TET3: variants seen among roughly 807,000 people sequenced by gnomAD.
The protein encoded by TET3 is tet methylcytosine dioxygenase 3, also known as methylcytosine dioxygenase TET3.
In TET3, 19 loss-of-function variants were observed where a neutral mutation model predicts 141.4. The ratio of observed to expected loss-of-function variants is 0.13; its 90% CI spans 0.09 to 0.20. The LOEUF is 0.20. TET3 is among the 10% of genes least tolerant of loss of function. The pLI is 1.00. For synonymous variants in TET3, 1,043 were observed against 980.9 expected (o/e 1.06, Z -1.18); for missense variants, 1,874 against 2,356.9 (o/e 0.80, Z 4.24).
intron 4 of TET3, 131 bp from the exon 5 acceptor site, chr2:74,073,418 A>G: frequency 1.7e-6 from 1 of 575,282 alleles, no homozygotes; most frequent in Non-Finnish European, 3.0e-6. Flanking sequence ...ACACCTTTTC[A>G]CATGTTCATA....
At chr2:74,124,049 G>A in the TET3 span, among the ~76,000 whole-genome samples, 1 of 151,788 alleles carries the variant, frequency 6.6e-6, no homozygotes, top group Non-Finnish European at 1.5e-5. Context: ...GAAGTGAGGA[G>A]CCCCTCCGCC....
chr2:74,101,353 C>T lies in TET3; in HGVS notation c.4565C>T (p.Thr1522Ile), dbSNP rs1331123771. Residue 1522 changes from threonine to isoleucine, a missense_variant, in exon 12 of 12, where the codon ACC (threonine) becomes ATC (isoleucine). Thr to Ile is a moderately conservative substitution (Grantham distance 89). This residue lies in a region of TET3 where 602 missense variants were observed against 590.2 expected (regional missense o/e 1.02). Transcript: ENST00000409262. This position sits in a 1 kb window ranked among gnomAD's most constrained non-coding sequence, Gnocchi z 8.5. ...PWSPCKFGNS[T>I]SALAGPSLTE... ...AGCCCCTGCAAGTTTGGGAACAGCA[C>T]CTCGGCCTTGGCTGGGCCCAGCCTG... 3 of 1,613,784 alleles carry T rather than the reference C, an allele frequency of 1.9e-6. No individual in the cohort carries two copies. Among genetic ancestry groups the T allele is most frequent in the Non-Finnish European group, 2.5e-6 (3 of 1,179,878 alleles).
intron 5 of TET3, 123 bp downstream of exon 5, chr2:74,073,762 G>A (rs758104872): frequency 4.6e-5 from 35 of 762,322 alleles, no homozygotes; most frequent in East Asian, 6.0e-5. Flanking sequence ...CCCTGATAAC[G>A]GGCTTAGGGA....
the TET3 span, among the ~76,000 whole-genome samples, chr2:74,129,931 T>TA: frequency 1.3e-5 from 2 of 151,148 alleles, no homozygotes; most frequent in African/African-American, 2.4e-5. Context: ...CCATCTCTAC[T>TA]AAAAAACACA....
At chr2:74,068,112 T>G (rs1159758138) in intron 4 of TET3, among the ~76,000 whole-genome samples, 4 of 151,970 alleles carry the variant, frequency 2.6e-5, no homozygotes, top group African/African-American at 9.7e-5. Flanking sequence ...GTAGACGCCG[T>G]CAGTGGCAAG....
Position 74,089,898 on chromosome 2 carries a change from C to T in TET3, c.2890C>T (p.Arg964Trp). 1 of 1,613,998 alleles carries T rather than the reference C, an allele frequency of 6.2e-7. No homozygotes were observed. ...TSRRCGLNDD[R>W]TCACQGKDPN... ...CCTGACCTGTGCTGTGTGTTGCAGC[C>T]GGACCTGCGCTTGCCAAGGCAAAGA... The change falls in exon 8 of 12, where the codon CGG becomes TGG. Residue 964 changes from arginine to tryptophan, a missense_variant and splice_region_variant. By Grantham distance (101) the Arg-to-Trp change is moderately radical (BLOSUM62 -3). Coordinates refer to ENST00000409262, the MANE Select transcript of TET3 (RefSeq NM_001287491.2).
intron 6 of TET3, among the ~76,000 whole-genome samples, chr2:74,080,869 T>C (rs1269266912): frequency 6.6e-6 from 1 of 152,152 alleles, no homozygotes; most frequent in Non-Finnish European, 1.5e-5. Flanking sequence ...GGAACTGTGT[T>C]AGTCTTCACA....
intron 8 of TET3, among the ~76,000 whole-genome samples, chr2:74,090,322 A>G (rs1690408623): frequency 6.6e-6 from 1 of 152,220 alleles, no homozygotes; most frequent in Non-Finnish European, 1.5e-5. Flanking sequence ...TCGAAGATAC[A>G]TATTCAAATC....
chr2:73,985,295 G>C (rs1683952485), intron 1 of TET3, 138 bp downstream of exon 1: 1 of 140,052 alleles, frequency 7.1e-6, no homozygotes, highest in African/African-American at 2.6e-5. Flanking sequence ...GGGCCGGACT[G>C]GGGTGCTGCG....
intron 5 of TET3, among the ~76,000 whole-genome samples, chr2:74,079,989 C>T (rs1345823502): frequency 3.3e-5 from 5 of 152,060 alleles, no homozygotes; most frequent in East Asian, 3.8e-4. Context: ...TCAGAGCTGG[C>T]GTTTGGGCTT....
chr2:74,029,091 TCTC>T (rs1048648477), intron 3 of TET3, among the ~76,000 whole-genome samples: 4 of 152,188 alleles, frequency 2.6e-5, no homozygotes, highest in African/African-American at 9.7e-5. Context: ...TACTACTGCT[TCTC>T]CTCCAATCTT....
At chr2:73,989,397 C>T (rs1458941364) in intron 2 of TET3, among the ~76,000 whole-genome samples, 1 of 152,198 alleles carries the variant, frequency 6.6e-6, no homozygotes, top group Non-Finnish European at 1.5e-5. Context: ...TACTTCCCTT[C>T]TGTCTCCATC....
At chr2:74,113,333 C>T in the TET3 span, among the ~76,000 whole-genome samples, 2 of 151,892 alleles carry the variant, frequency 1.3e-5, no homozygotes, top group South Asian at 2.1e-4. Flanking sequence ...TTGCAGTAAG[C>T]GGAGATCACG....
intron 10 of TET3, among the ~76,000 whole-genome samples, chr2:74,097,206 C>CACACAT (rs1572897064): frequency 6.8e-6 from 1 of 146,690 alleles, no homozygotes; most frequent in African/African-American, 2.6e-5. Context: ...CACACACACA[C>CACACAT]ACACACACAC....
chr2:74,077,807 G>A (rs1049663927), intron 5 of TET3, among the ~76,000 whole-genome samples: 7 of 152,220 alleles, frequency 4.6e-5, no homozygotes, highest in African/African-American at 7.2e-5. Context: ...TAGTGCTTCC[G>A]TCTCAGCGAG....
chr2:74,035,201 CAAAA>C (rs35642768), intron 3 of TET3, among the ~76,000 whole-genome samples: 5 of 65,454 alleles, frequency 7.6e-5, no homozygotes, highest in Admixed American at 2.1e-4. Flanking sequence ...GACTCCGTCT[CAAAA>C]AAAAAAAAAA....
chr2:74,091,348 T>C (rs1313208288), intron 8 of TET3, among the ~76,000 whole-genome samples: 2 of 152,266 alleles, frequency 1.3e-5, no homozygotes, highest in Non-Finnish European at 2.9e-5. Context: ...GCTCTTACGA[T>C]GTGCTAAGCA....
intron 3 of TET3, among the ~76,000 whole-genome samples, chr2:74,032,508 T>TGTGTGTGTG (rs1491152838): frequency 2.3e-5 from 1 of 43,908 alleles, no homozygotes; most frequent in African/African-American, 1.8e-4. Flanking sequence ...TGTGTGTGTG[T>TGTGTGTGTG]TAGGGGAGTT....
chr2:74,040,529 C>A (rs147447274), intron 3 of TET3, among the ~76,000 whole-genome samples: 2 of 152,178 alleles, frequency 1.3e-5, no homozygotes, highest in East Asian at 3.9e-4. Context: ...GAGTTCAGTT[C>A]TGTTTTAGAC....
Sources: allele counts gnomAD v4.1 joint callset (sites outside exome capture counted in the v4.1 genomes callset), GRCh38; gene constraint gnomAD v4.1.1; regional missense constraint gnomAD v4.1.1; non-coding constraint Gnocchi (gnomAD v3.1); transcripts MANE v1.5; gene names NCBI Gene and HGNC (gene_info 2026-07-23, HGNC 2026-07-21).